Variants in ITGB6 observed in about 807,000 individuals in gnomAD.
The protein encoded by ITGB6 is integrin beta-6.
ITGB6 carries 80 observed loss-of-function variants against 84.5 expected under a neutral mutation model. The observed-to-expected ratio is 0.95, with a 90% confidence interval of 0.79 to 1.14. The LOEUF is 1.14. ITGB6 is among the 50% of genes most tolerant of loss of function. The pLI is 0.00. For synonymous variants in ITGB6, 383 were observed against 354.9 expected (o/e 1.08, Z -0.89); for missense variants, 1,006 against 968.0 (o/e 1.04, Z -0.52).
intron 4 of ITGB6, among the ~76,000 whole-genome samples, chr2:160,177,778 C>T (rs1685486954): frequency 6.6e-6 from 1 of 151,978 alleles, no homozygotes; most frequent in Admixed American, 6.6e-5. Flanking sequence ...TGTTAAATGA[C>T]AATAATGCAG....
At chr2:160,105,323 T>C (rs1696865493) in intron 14 of ITGB6, among the ~76,000 whole-genome samples, 1 of 152,240 alleles carries the variant, frequency 6.6e-6, no homozygotes, top group Non-Finnish European at 1.5e-5. Context: ...ATTTCAGTCA[T>C]GTTCTACATC....
intron 11 of ITGB6, among the ~76,000 whole-genome samples, chr2:160,125,470 C>T (rs1489846845): frequency 6.6e-6 from 1 of 152,156 alleles, no homozygotes; most frequent in Non-Finnish European, 1.5e-5. Context: ...AGATCCTATT[C>T]AAATCATCCT....
intron 12 of ITGB6, 83 bp from the exon 13 acceptor site, chr2:160,112,282 T>A (rs540165456): frequency 2.3e-6 from 3 of 1,297,050 alleles, no homozygotes; most frequent in African/African-American, 1.5e-5. Flanking sequence ...TGAGTTTTAA[T>A]ATGTAAATTA....
chr2:160,134,262 G>A (rs932753350), intron 10 of ITGB6, among the ~76,000 whole-genome samples: 8 of 152,196 alleles, frequency 5.3e-5, no homozygotes, highest in Non-Finnish European at 8.8e-5. Flanking sequence ...TACCATCAGA[G>A]AATACTATAA....
At chr2:160,164,247 G>T (rs1031939087) in intron 7 of ITGB6, among the ~76,000 whole-genome samples, 9 of 152,158 alleles carry the variant, frequency 5.9e-5, no homozygotes, top group African/African-American at 2.2e-4. Context: ...ACAAACTTTG[G>T]CATAGTTCAC....
intron 7 of ITGB6, among the ~76,000 whole-genome samples, chr2:160,143,832 T>C (rs6432603): frequency 0.79 from 119,986 of 152,064 alleles, 48,289 homozygotes; most frequent in African/African-American, 0.95. Context: ...CAAATGAAGC[T>C]AGGGCAATGT....
intron 12 of ITGB6, among the ~76,000 whole-genome samples, chr2:160,117,199 A>G (rs1211390008): frequency 6.6e-6 from 1 of 152,106 alleles, no homozygotes; most frequent in Non-Finnish European, 1.5e-5. Flanking sequence ...ACCCCAAATC[A>G]ACAGAATATA....
intron 12 of ITGB6, 98 bp downstream of exon 12, chr2:160,123,693 G>A (rs1295458146): frequency 4.8e-6 from 4 of 839,016 alleles, no homozygotes; most frequent in Non-Finnish European, 7.9e-6. Context: ...TACAAATAAG[G>A]TCAAGCTACT....
chr2:160,123,821 G>A lies in ITGB6; in HGVS notation c.1951C>T (p.Leu651=), dbSNP rs1683133762. ...TCTTCACTGATGGTCGCACCAGCTA[G>A]TTTGCACTTGTCCACACATTCTTCT... is the stretch of plus-strand genomic sequence containing the variant. ...AREECVDKCK[L]AGATISEEED... Residue 651 remains leucine, a synonymous_variant, in exon 12 of 15, where the codon CTA becomes TTA. Coordinates refer to ENST00000283249, the MANE Select transcript of ITGB6 (RefSeq NM_000888.5). The A allele has an allele frequency of 6.2e-7, 1 of 1,613,862 alleles. No individual in the cohort carries two copies.
At chr2:160,122,007 T>C (rs531791737) in intron 12 of ITGB6, among the ~76,000 whole-genome samples, 1 of 151,902 alleles carries the variant, frequency 6.6e-6, no homozygotes, top group South Asian at 2.1e-4. Context: ...CAAGGTAGTA[T>C]GATCAGTAAC....
chr2:160,164,420 A>C (rs7590004), intron 7 of ITGB6, among the ~76,000 whole-genome samples: 18,344 of 152,218 alleles, frequency 0.12, 2,108 homozygotes, highest in East Asian at 0.45. Flanking sequence ...GGCTGGGCAC[A>C]GTGGCTCACA....
chr2:160,148,576 G>A (rs2925766), intron 7 of ITGB6, among the ~76,000 whole-genome samples: 140,999 of 152,244 alleles, frequency 0.93, 66,181 homozygotes, highest in East Asian at 1. Flanking sequence ...TGAGGTACCT[G>A]CTTCATCTCA....
At chr2:160,102,087 T>G (rs1696744379) in intron 14 of ITGB6, among the ~76,000 whole-genome samples, 1 of 152,132 alleles carries the variant, frequency 6.6e-6, no homozygotes, top group Non-Finnish European at 1.5e-5. Context: ...AATTTACGGA[T>G]AGAAAACAAG....
At chr2:160,183,928 C>T (rs900493363) in intron 4 of ITGB6, among the ~76,000 whole-genome samples, 4 of 152,062 alleles carry the variant, frequency 2.6e-5, no homozygotes, top group Admixed American at 2.0e-4. Context: ...TCTTTGAAAC[C>T]AATGAGAACA....
chr2:160,110,817 T>C (rs1276616628), intron 13 of ITGB6, among the ~76,000 whole-genome samples: 5 of 152,166 alleles, frequency 3.3e-5, no homozygotes, highest in Non-Finnish European at 7.3e-5. Context: ...GGAGGGACCA[T>C]GGACCTCTGG....
intron 14 of ITGB6, among the ~76,000 whole-genome samples, chr2:160,105,332 T>A (rs1696866354): frequency 6.6e-6 from 1 of 152,228 alleles, no homozygotes; most frequent in South Asian, 2.1e-4. Flanking sequence ...ATGTTCTACA[T>A]CCTGAGGGAG....
At position 160,100,283 on chromosome 2, in the gene ITGB6, C is replaced by T. The variant is rs181516064; in HGVS notation, c.*1453G>A. 2.7e-4 allele frequency: 41 copies of T among 152,334 alleles called. No homozygotes were observed. In the East Asian group the frequency reaches 7.1e-3, roughly 26 times the overall value. The allele number at this position is 152,334 out of a possible 1,614,324, so 9.4% of individuals were successfully genotyped here. A position where few individuals can be genotyped will look rare whatever the true frequency, so the allele number is the denominator to read the frequency against. On this transcript the variant is annotated 3_prime_UTR_variant, in exon 15 of 15. Coordinates refer to ENST00000283249, the MANE Select transcript of ITGB6 (RefSeq NM_000888.5). ...AACTATTCACCTAGTAAAAGCTTCACATTACAATTTAATCAAAGGTAATAA... is the reference window on the plus strand; with the variant it reads ...AACTATTCACCTAGTAAAAGCTTCATATTACAATTTAATCAAAGGTAATAA...
At chr2:160,192,650 C>T (rs1022935188) in intron 4 of ITGB6, among the ~76,000 whole-genome samples, 1 of 151,936 alleles carries the variant, frequency 6.6e-6, no homozygotes, top group Non-Finnish European at 1.5e-5. Flanking sequence ...TTTTGCTTGA[C>T]CAAAGGTATC....
chr2:160,126,421 C>T lies in ITGB6; in HGVS notation c.1841G>A (p.Cys614Tyr). ...CTNPGASGPTCERCPTCGDPC... is the reference protein window; with the variant it reads ...CTNPGASGPTYERCPTCGDPC... Reference sequence around the variant, plus strand: ...GTCACCACAGGTAGGACATCGTTCACAGGTTGGTCCTGAGGCTCCAGGGTT... The same window carrying T: ...GTCACCACAGGTAGGACATCGTTCATAGGTTGGTCCTGAGGCTCCAGGGTT... Residue 614 changes from cysteine (C) to tyrosine (Y), a missense_variant, in exon 11 of 15, where the codon TGT (cysteine) becomes TAT (tyrosine). Coordinates refer to ENST00000283249, the MANE Select transcript of ITGB6 (RefSeq NM_000888.5). 2 of 1,614,208 alleles carry T rather than the reference C, an allele frequency of 1.2e-6. No homozygotes were observed. The highest frequency in any genetic ancestry group is 1.7e-6 in the Non-Finnish European group (2 of 1,180,014).
Sources: allele counts gnomAD v4.1 joint callset (sites outside exome capture counted in the v4.1 genomes callset), GRCh38; gene constraint gnomAD v4.1.1; transcripts MANE v1.5; gene names NCBI Gene and HGNC (gene_info 2026-07-23, HGNC 2026-07-21).